THTPA: variants seen among roughly 807,000 people sequenced by gnomAD.
THTPA encodes thiamine triphosphatase.
THTPA carries 16 observed loss-of-function variants against 16.5 expected under a neutral mutation model. The observed-to-expected ratio is 0.97, with a 90% confidence interval of 0.66 to 1.47. The LOEUF is 1.47. Among genes scored for constraint, THTPA ranks in the 40% most tolerant of loss-of-function variants. The pLI, the probability that THTPA is intolerant of heterozygous loss-of-function variation, is 0.00. For synonymous variants in THTPA, 110 were observed against 115.5 expected, an observed-to-expected ratio of 0.95 and a Z score of 0.30; for missense variants, 281 against 280.9, an observed-to-expected ratio of 1.00 and a Z score of 0.00.
the THTPA span, among the ~76,000 whole-genome samples, chr14:23,512,040 C>T: frequency 6.6e-6 from 1 of 152,122 alleles, no homozygotes; most frequent in African/African-American, 2.4e-5. Flanking sequence ...GCTCTCCTTC[C>T]TCCTCCCCCA....
the THTPA span, among the ~76,000 whole-genome samples, chr14:23,520,291 G>C: frequency 1.3e-5 from 2 of 152,002 alleles, no homozygotes; most frequent in Admixed American, 6.6e-5. The surrounding 1 kb of genome is among the most constrained non-coding windows in gnomAD (Gnocchi z 8.7). Flanking sequence ...CGGAGAAGCT[G>C]GGCTGGGCTG....
chr14:23,542,793 T>G, the THTPA span: 2 of 151,854 alleles, frequency 1.3e-5, no homozygotes, highest in African/African-American at 4.8e-5. Flanking sequence ...TGAAGTGCAG[T>G]GGTGTGATCT....
chr14:23,538,435 A>C, the THTPA span, among the ~76,000 whole-genome samples: 5 of 144,570 alleles, frequency 3.5e-5, no homozygotes, highest in East Asian at 2.0e-4. Context: ...TTGCATTTTC[A>C]CTCCTCCATC....
the THTPA span, among the ~76,000 whole-genome samples, chr14:23,516,175 G>C: frequency 6.6e-6 from 1 of 152,168 alleles, no homozygotes; most frequent in Non-Finnish European, 1.5e-5. Flanking sequence ...TTGGTCTTAG[G>C]TGTGGTCCAG....
At chr14:23,522,138 G>C in the THTPA span, 1 of 1,524,494 alleles carries the variant, frequency 6.6e-7, no homozygotes. Context: ...GCCGAGGAGC[G>C]CAGGTGGGAG....
Position 23,560,030 on chromosome 14 carries a change from G to C in THTPA, c.*1190G>C. On this transcript the variant is annotated 3_prime_UTR_variant, in exon 2 of 2. Coordinates refer to ENST00000288014, the MANE Select transcript of THTPA (RefSeq NM_024328.6). ...CCACTGGGGGCCTGCAGCTGCAGCTGGAGACTCTGAACACAGGAGTTTAAC... is the reference window on the plus strand; with the variant it reads ...CCACTGGGGGCCTGCAGCTGCAGCTCGAGACTCTGAACACAGGAGTTTAAC... 5 of 1,603,842 alleles carry C rather than the reference G, an allele frequency of 3.1e-6. No individual in the cohort carries two copies. The highest frequency in any genetic ancestry group is 8.5e-7 in the Non-Finnish European group (1 of 1,173,024).
chr14:23,541,001 G>A, the THTPA span, among the ~76,000 whole-genome samples: 1 of 151,880 alleles, frequency 6.6e-6, no homozygotes, highest in Non-Finnish European at 1.5e-5. Context: ...CACCTCCCAG[G>A]TTCAAGTGAT....
the THTPA span, among the ~76,000 whole-genome samples, chr14:23,548,836 T>C: frequency 6.6e-6 from 1 of 152,190 alleles, no homozygotes; most frequent in Non-Finnish European, 1.5e-5. Context: ...ATGCTTTTTT[T>C]CCAACCCCCC....
chr14:23,539,635 G>A, the THTPA span, among the ~76,000 whole-genome samples: 1 of 152,204 alleles, frequency 6.6e-6, no homozygotes, highest in African/African-American at 2.4e-5. Flanking sequence ...CTGAAGAGGA[G>A]CCATGTCGTG....
the THTPA span, chr14:23,524,548 G>A: frequency 6.5e-7 from 1 of 1,530,284 alleles, no homozygotes; most frequent in South Asian, 1.2e-5. The surrounding 1 kb of genome is among the most constrained non-coding windows in gnomAD (Gnocchi z 5.6). Flanking sequence ...GGGGAGCACT[G>A]GGCTGCAGAG....
At chr14:23,517,165 T>C in the THTPA span, among the ~76,000 whole-genome samples, 1 of 152,224 alleles carries the variant, frequency 6.6e-6, no homozygotes, top group Non-Finnish European at 1.5e-5. Flanking sequence ...GTCTGTGCTT[T>C]GTGTGAGGGC....
the THTPA span, chr14:23,534,175 C>G: frequency 9.5e-6 from 14 of 1,474,940 alleles, no homozygotes; most frequent in East Asian, 3.0e-4. The surrounding 1 kb of genome is among the most constrained non-coding windows in gnomAD (Gnocchi z 4.5). Context: ...GGGGCAGAGC[C>G]CTCCATCCTC....
the THTPA span, chr14:23,534,729 G>A: frequency 6.5e-7 from 1 of 1,536,176 alleles, no homozygotes; most frequent in Middle Eastern, 1.7e-4. This position sits in a 1 kb window ranked among gnomAD's most constrained non-coding sequence, Gnocchi z 4.5. Context: ...TTTCCTCACA[G>A]GCAGCCGGAG....
chr14:23,556,487 G>T lies in THTPA; in HGVS notation c.-271G>T. On this transcript the variant is annotated 5_prime_UTR_variant, in exon 1 of 2. Transcript: ENST00000288014. ...CCGCTACCCGGCCTGCTTTCTAGGG[G>T]TCTCTTTGGATTGAGGACATCAGCA... 2.1e-6 allele frequency: 1 copy of T among 475,412 alleles called. No individual in the cohort carries two copies. The highest frequency in any genetic ancestry group is 3.7e-6 in the Non-Finnish European group (1 of 266,898). The allele number at this position is 475,412 out of a possible 1,614,324, so 29.4% of individuals were successfully genotyped here.
At chr14:23,522,952 G>C in the THTPA span, 1 of 1,437,422 alleles carries the variant, frequency 7.0e-7, no homozygotes, top group Non-Finnish European at 9.1e-7. Flanking sequence ...CTAGAAAGGT[G>C]AAAGGAAGGA....
chr14:23,523,559 G>A, the THTPA span: 1 of 1,538,210 alleles, frequency 6.5e-7, no homozygotes, highest in East Asian at 2.4e-5. The surrounding 1 kb of genome is among the most constrained non-coding windows in gnomAD (Gnocchi z 4.1). Flanking sequence ...CCCAGCGGCT[G>A]TCCCCTGTAG....
At chr14:23,533,448 A>G in the THTPA span, 1 of 1,533,226 alleles carries the variant, frequency 6.5e-7, no homozygotes, top group Non-Finnish European at 8.7e-7. This position sits in a 1 kb window ranked among gnomAD's most constrained non-coding sequence, Gnocchi z 4.8. Context: ...CAGGGGGGCT[A>G]GTGGGGGTAG....
At chr14:23,523,193 C>G in the THTPA span, 5 of 1,415,708 alleles carry the variant, frequency 3.5e-6, no homozygotes, top group Admixed American at 1.6e-4. The surrounding 1 kb of genome is among the most constrained non-coding windows in gnomAD (Gnocchi z 4.1). Context: ...CTCCCAGCCT[C>G]CCTACTCACC....
chr14:23,521,574 A>T, the THTPA span: 68 of 185,462 alleles, frequency 3.7e-4, no homozygotes, highest in Non-Finnish European at 6.9e-4. Flanking sequence ...GTGTGCATGT[A>T]TGTGTATGCA....
Sources: allele counts gnomAD v4.1 joint callset (sites outside exome capture counted in the v4.1 genomes callset), GRCh38; gene constraint gnomAD v4.1.1; non-coding constraint Gnocchi (gnomAD v3.1); transcripts MANE v1.5; gene names NCBI Gene and HGNC (gene_info 2026-07-23, HGNC 2026-07-21).